The following ZNF184 variants were observed in gnomAD, a reference collection of about 807,000 sequenced individuals.
The protein encoded by ZNF184 is zinc finger protein 184 (Kruppel-like).
ZNF184 carries 16 observed loss-of-function variants against 54.4 expected under a neutral mutation model. The ratio of observed to expected loss-of-function variants is 0.29; its 90% CI spans 0.20 to 0.45. The LOEUF (loss-of-function observed/expected upper bound fraction) is 0.45, where lower values mean the gene tolerates loss of function less well. ZNF184 is among the 20% of genes least tolerant of loss of function. ZNF184 has a pLI of 1.00. For synonymous variants in ZNF184, 254 were observed against 295.3 expected, an observed-to-expected ratio of 0.86 and a Z score of 1.43; for missense variants, 681 against 888.2, an observed-to-expected ratio of 0.77 and a Z score of 2.97.
At chr6:27,441,012 T>A in the ZNF184 span, among the ~76,000 whole-genome samples, 2 of 151,316 alleles carry the variant, frequency 1.3e-5, no homozygotes, top group East Asian at 3.9e-4. Flanking sequence ...CTCAAAAAAA[T>A]AAATAAATAA....
the ZNF184 span, among the ~76,000 whole-genome samples, chr6:27,440,016 A>T: frequency 1.3e-5 from 2 of 152,360 alleles, no homozygotes; most frequent in South Asian, 2.1e-4. Flanking sequence ...TGCTAAAAAA[A>T]AACTGGGCAG....
the ZNF184 span, among the ~76,000 whole-genome samples, chr6:27,429,301 A>G: frequency 1.3e-5 from 2 of 152,210 alleles, no homozygotes. Flanking sequence ...ACTTGCTTCT[A>G]CTTTGTTGTA....
In ZNF184 at chr6:27,465,583, A is replaced by T. The variant is rs1763115460; in HGVS notation, c.75+2270T>A. Among the ~76,000 whole-genome samples the T allele has an allele frequency of 2.0e-5, 3 of 151,946 alleles. No individual in the cohort carries two copies. The South Asian group carries it at 6.2e-4, about 31-fold the overall frequency. On this transcript the variant is annotated intron_variant, in intron 3 of 5. Transcript: ENST00000683788. ...AGATACAAATAAGTTAAAAGCAAAAATATATAAAAATATATACCATATGTC... is the reference window on the plus strand; with the variant it reads ...AGATACAAATAAGTTAAAAGCAAAATTATATAAAAATATATACCATATGTC...
At chr6:27,415,625 G>T in the ZNF184 span, among the ~76,000 whole-genome samples, 1 of 152,106 alleles carries the variant, frequency 6.6e-6, no homozygotes, top group Non-Finnish European at 1.5e-5. Context: ...GTTTTGGAAC[G>T]TTTCTTACCT....
downstream of ZNF184, among the ~76,000 whole-genome samples, chr6:27,446,074 A>G (rs1008879637): frequency 6.6e-6 from 1 of 152,240 alleles, no homozygotes; most frequent in Non-Finnish European, 1.5e-5. Context: ...GGCCATATAA[A>G]TAATAGAAAA....
At chr6:27,457,601 C>A (rs905543729) in intron 3 of ZNF184, among the ~76,000 whole-genome samples, 192 bp from the exon 4 acceptor site, 3 of 151,940 alleles carry the variant, frequency 2.0e-5, no homozygotes, top group Non-Finnish European at 4.4e-5. Flanking sequence ...ATAAAACATT[C>A]CATGTGAAAT....
At chr6:27,421,981 G>C in the ZNF184 span, among the ~76,000 whole-genome samples, 1 of 151,588 alleles carries the variant, frequency 6.6e-6, no homozygotes, top group Non-Finnish European at 1.5e-5. Context: ...TGAGGTGGGA[G>C]GATCGATTGA....
chr6:27,406,069 T>A, the ZNF184 span: 42 of 152,260 alleles, frequency 2.8e-4, no homozygotes, highest in African/African-American at 1.0e-3. Context: ...ACATCATTAA[T>A]AAGAAAATGA....
Position 27,457,314 on chromosome 6 carries a change from T to A in ZNF184, c.171A>T (p.Thr57=), listed in dbSNP as rs1181017597. The stretch of plus-strand genomic sequence containing the variant: ...AGACCAGGTGTGTATAATTTTCCAA[T>A]GTCACATCCCTGAACAAATCTCTCT... The part of the protein sequence containing the change: ...PGQRDLFRDV[T]LENYTHLVSI... Residue 57 remains threonine, a synonymous_variant, in exon 4 of 6, where the codon ACA becomes ACT. Coordinates refer to ENST00000683788, the MANE Select transcript of ZNF184 (RefSeq NM_001318891.2). 1 of 1,614,096 alleles carries A rather than the reference T, an allele frequency of 6.2e-7. No homozygotes were observed. Among genetic ancestry groups the A allele is most frequent in the South Asian group, 1.1e-5 (1 of 91,068 alleles).
chr6:27,470,517 A>C (rs1243170993), intron 2 of ZNF184, among the ~76,000 whole-genome samples: 1 of 152,214 alleles, frequency 6.6e-6, no homozygotes, highest in Non-Finnish European at 1.5e-5. Flanking sequence ...TTGACCAGTA[A>C]AGAAAAACTG....
chr6:27,424,640 G>A, the ZNF184 span, among the ~76,000 whole-genome samples: 2 of 152,196 alleles, frequency 1.3e-5, no homozygotes, highest in African/African-American at 2.4e-5. Context: ...GACACAGGGT[G>A]CTGATTGGTG....
At chr6:27,411,860 C>T in the ZNF184 span, among the ~76,000 whole-genome samples, 1,975 of 152,332 alleles carry the variant, frequency 0.013, 23 homozygotes, top group African/African-American at 0.033. Context: ...CCTGTGGAGG[C>T]CAGCCGCCCT....
intron 2 of ZNF184, among the ~76,000 whole-genome samples, chr6:27,471,358 G>T (rs190046672): frequency 6.6e-6 from 1 of 152,156 alleles, no homozygotes; most frequent in Admixed American, 6.5e-5. Context: ...TGACATTAAG[G>T]ATAATAATAA....
chr6:27,438,813 T>C, the ZNF184 span, among the ~76,000 whole-genome samples: 1 of 152,176 alleles, frequency 6.6e-6, no homozygotes, highest in Non-Finnish European at 1.5e-5. Context: ...TCCTCAAATT[T>C]TGTATTTCTA....
the ZNF184 span, among the ~76,000 whole-genome samples, chr6:27,413,859 C>CTT: frequency 9.2e-5 from 14 of 152,322 alleles, no homozygotes; most frequent in Admixed American, 3.3e-4. Flanking sequence ...CTGGACCTTT[C>CTT]TTCCATTTGA....
In ZNF184 at chr6:27,451,168, T is replaced by C. The variant is rs1762704343; in HGVS notation, c.*135A>G. 9 of 1,083,448 alleles carry C rather than the reference T, an allele frequency of 8.3e-6. No individual in the cohort carries two copies. The South Asian group carries it at 1.2e-4, about 15-fold the overall frequency. 67.1% of individuals were successfully genotyped at this position (1,083,448 alleles called of 1,614,324 possible). On this transcript the variant is annotated 3_prime_UTR_variant, in exon 6 of 6. Transcript: ENST00000683788. ...TGGATTAGTTCAGCCCAATGTACTT[T>C]CCATTCCATAACATGATAGTGAAAA...
At chr6:27,430,900 T>C in the ZNF184 span, among the ~76,000 whole-genome samples, 1 of 152,162 alleles carries the variant, frequency 6.6e-6, no homozygotes, top group Non-Finnish European at 1.5e-5. Flanking sequence ...GTAGTACCAC[T>C]TTCTTGCTGG....
the ZNF184 span, chr6:27,406,154 C>T: frequency 6.6e-6 from 1 of 152,284 alleles, no homozygotes; most frequent in South Asian, 2.1e-4. Context: ...TGAAGGCAAA[C>T]TGTTCCTGGC....
chr6:27,422,221 G>GA, the ZNF184 span, among the ~76,000 whole-genome samples: 11 of 126,610 alleles, frequency 8.7e-5, no homozygotes, highest in Admixed American at 2.4e-4. Flanking sequence ...AGAAAGAAAA[G>GA]AAAAGAAATT....
Sources: gnomAD v4.1 joint callset for allele counts (sites outside exome capture counted in the v4.1 genomes callset) on GRCh38, gnomAD v4.1.1 for gene constraint, MANE v1.5 for transcripts, NCBI Gene and HGNC (gene_info 2026-07-23, HGNC 2026-07-21) for gene names.